Variants in ADAP2 observed in about 807,000 individuals in gnomAD.
ADAP2 encodes ArfGAP with dual PH domains 2, also known as arf-GAP with dual PH domain-containing protein 2.
Under a neutral mutation model 54.9 loss-of-function variants are expected in ADAP2, and 42 were observed. That is an observed-to-expected ratio of 0.77 (90% confidence interval 0.60 to 0.99). The LOEUF (loss-of-function observed/expected upper bound fraction) is 0.99, where lower values mean the gene tolerates loss of function less well. Among genes scored for constraint, ADAP2 ranks in the 50% least tolerant of loss-of-function variants. The probability of loss-of-function intolerance (pLI) is 0.00; values close to 1 mark genes in which losing one functional copy is unlikely to be tolerated. For missense variants in ADAP2, 429 were observed against 480.4 expected (o/e 0.89, Z 1.00); for synonymous variants, 177 against 180.1 (o/e 0.98, Z 0.14).
At chr17:30,946,191 G>A (rs566416429) in intron 6 of ADAP2, among the ~76,000 whole-genome samples, 4 of 151,854 alleles carry the variant, frequency 2.6e-5, no homozygotes, top group Admixed American at 6.6e-5. Flanking sequence ...GCATTGTAAC[G>A]GGATCCCAGG....
At chr17:30,950,789 C>A (rs1567725450) in intron 7 of ADAP2, among the ~76,000 whole-genome samples, 1 of 152,132 alleles carries the variant, frequency 6.6e-6, no homozygotes, top group Non-Finnish European at 1.5e-5. Flanking sequence ...GAGTTTGCAC[C>A]CAGAACTGGT....
At chr17:30,951,924 G>A (rs972631574) in intron 7 of ADAP2, among the ~76,000 whole-genome samples, 3 of 152,104 alleles carry the variant, frequency 2.0e-5, no homozygotes, top group African/African-American at 7.2e-5. Context: ...CAAAGTGCTG[G>A]GATTACAGGC....
chr17:30,933,792 C>A (rs1911674667), intron 4 of ADAP2, among the ~76,000 whole-genome samples: 1 of 152,224 alleles, frequency 6.6e-6, no homozygotes, highest in Non-Finnish European at 1.5e-5. Flanking sequence ...GCCACTGCGC[C>A]CTGCCTTACT....
intron 7 of ADAP2, among the ~76,000 whole-genome samples, chr17:30,949,748 C>CAAAAAA (rs34131343): frequency 4.8e-5 from 3 of 61,930 alleles, no homozygotes; most frequent in African/African-American, 9.5e-5. Context: ...GACTCCGTCT[C>CAAAAAA]AAAAAAAAAA....
intron 6 of ADAP2, among the ~76,000 whole-genome samples, chr17:30,947,041 G>C (rs1912730330): frequency 6.6e-6 from 1 of 152,162 alleles, no homozygotes; most frequent in South Asian, 2.1e-4. Flanking sequence ...ACCTGGGTCT[G>C]GCCATTCTTC....
Position 30,926,935 on chromosome 17 carries a change from T to C in ADAP2, c.317+17T>C, listed in dbSNP as rs752300376. The C allele has an allele frequency of 6.3e-7, 1 of 1,593,702 alleles. No homozygotes were observed. Among genetic ancestry groups the C allele is most frequent in the Non-Finnish European group, 8.6e-7 (1 of 1,161,618 alleles). ...CGACTGCCTGTGAGTGGGTGATTCC[T>C]TAGGGACTGGGTGAGGGGTCTGTCC... On this transcript the variant is annotated intron_variant, in intron 3 of 10. Transcript: ENST00000330889.
intron 6 of ADAP2, among the ~76,000 whole-genome samples, chr17:30,948,983 T>C (rs946374729): frequency 2.0e-5 from 3 of 152,204 alleles, no homozygotes; most frequent in Non-Finnish European, 4.4e-5. Flanking sequence ...TCAGGTGATT[T>C]TGCACGCATT....
At chr17:30,942,160 T>C (rs1912319012) in intron 5 of ADAP2, among the ~76,000 whole-genome samples, 1 of 152,172 alleles carries the variant, frequency 6.6e-6, no homozygotes, top group East Asian at 1.9e-4. Context: ...TGCCTCGGCC[T>C]CCCAAAGTGC....
chr17:30,955,801 A>G (rs1905027792), intron 9 of ADAP2, among the ~76,000 whole-genome samples: 1 of 151,700 alleles, frequency 6.6e-6, no homozygotes, highest in African/African-American at 2.4e-5. Flanking sequence ...AGGTGGGAGG[A>G]TTGCCTGAGC....
chr17:30,953,288 C>CTCG lies in ADAP2; in HGVS notation c.744_746dup (p.Val249dup). On this transcript the variant is annotated inframe_insertion and splice_region_variant, in exon 8 of 11. Coordinates refer to ENST00000330889, the MANE Select transcript of ADAP2 (RefSeq NM_018404.3). ...GTCAGTGTCTGTCTCTCTTCCCCAG[C>CTCG]TCGTGCCATTCCTCACCAGGAACTA... The CTCG allele has an allele frequency of 6.2e-7, 1 of 1,614,108 alleles. No homozygotes were observed. Among genetic ancestry groups the CTCG allele is most frequent in the Non-Finnish European group, 8.5e-7 (1 of 1,180,018 alleles).
At position 30,956,784 on chromosome 17, in the gene ADAP2, C is replaced by T. The variant is rs73989925; in HGVS notation, c.1111+315C>T. Reference sequence around the variant, plus strand: ...CTAAGCAGCTTCTCTTTCCCTCCACCGTGCTCTATGCTGATCCTTTTTCTC... The same window carrying T: ...CTAAGCAGCTTCTCTTTCCCTCCACTGTGCTCTATGCTGATCCTTTTTCTC... On this transcript the variant is annotated intron_variant, in intron 10 of 10. Coordinates refer to ENST00000330889, the MANE Select transcript of ADAP2 (RefSeq NM_018404.3). 6.1e-3 allele frequency: 2,364 copies of T among 389,786 alleles called. 16 individuals are homozygous for T. The highest frequency in any genetic ancestry group is 0.013 in the African/African-American group (626 of 49,144). 24.1% of individuals were successfully genotyped at this position (389,786 alleles called of 1,614,324 possible).
intron 10 of ADAP2, 134 bp from the exon 11 acceptor site, chr17:30,957,701 G>A (rs1905173009): frequency 1.2e-6 from 1 of 805,282 alleles, no homozygotes; most frequent in African/African-American, 1.7e-5. Flanking sequence ...AAAGTGCTGG[G>A]ATTACAGGCA....
At chr17:30,940,493 C>T (rs1219197134) in intron 5 of ADAP2, among the ~76,000 whole-genome samples, 3 of 151,806 alleles carry the variant, frequency 2.0e-5, no homozygotes, top group South Asian at 4.2e-4. Context: ...TTAGTAGAGA[C>T]GGGGTTTCAC....
At chr17:30,950,663 T>C (rs1229737028) in intron 7 of ADAP2, among the ~76,000 whole-genome samples, 1 of 152,154 alleles carries the variant, frequency 6.6e-6, no homozygotes, top group Non-Finnish European at 1.5e-5. Context: ...CCAAGGTTTG[T>C]AGGGAGCCAG....
chr17:30,950,259 C>G (rs1240656307), intron 7 of ADAP2, among the ~76,000 whole-genome samples: 9 of 152,154 alleles, frequency 5.9e-5, no homozygotes, highest in African/African-American at 2.2e-4. Context: ...TCATGGGGAG[C>G]CGAGAACTTC....
intron 6 of ADAP2, among the ~76,000 whole-genome samples, chr17:30,948,934 C>A (rs1255667863): frequency 6.6e-6 from 1 of 152,196 alleles, no homozygotes; most frequent in Non-Finnish European, 1.5e-5. Context: ...GGCCCCATTC[C>A]AAACCTACTG....
intron 1 of ADAP2, 113 bp from the exon 2 acceptor site, chr17:30,922,827 A>G (rs1475316480): frequency 6.2e-5 from 77 of 1,235,248 alleles, no homozygotes; most frequent in Non-Finnish European, 7.9e-5. Flanking sequence ...CTGGCCGCTT[A>G]GTTCGCCTTA....
chr17:30,922,979 G>A lies in ADAP2; in HGVS notation c.134G>A (p.Cys45Tyr). 4 of 1,614,020 alleles carry A rather than the reference G, an allele frequency of 2.5e-6. No individual in the cohort carries two copies. Among genetic ancestry groups the A allele is most frequent in the African/African-American group, 1.3e-5 (1 of 75,040 alleles). The change falls in exon 2 of 11, where the codon TGT becomes TAT. Residue 45 changes from cysteine (C) to tyrosine (Y), a missense_variant. Cys to Tyr is a radical substitution (Grantham distance 194, BLOSUM62 -2). Coordinates refer to ENST00000330889, the MANE Select transcript of ADAP2 (RefSeq NM_018404.3). ...WASYKLGIFI[C>Y]LNCCGVHRNF... is the part of the protein sequence containing the mutation. Reference sequence around the variant, plus strand: ...TCTTACAAGCTGGGGATCTTCATCTGTCTCAACTGCTGCGGCGTCCACCGT... The same window carrying A: ...TCTTACAAGCTGGGGATCTTCATCTATCTCAACTGCTGCGGCGTCCACCGT...
chr17:30,937,260 T>A (rs1395229811), intron 5 of ADAP2, among the ~76,000 whole-genome samples: 1 of 150,932 alleles, frequency 6.6e-6, no homozygotes, highest in Non-Finnish European at 1.5e-5. Context: ...TTCACTCTAT[T>A]GCTCAGGTTG....
Sources: gnomAD v4.1 joint callset for allele counts (sites outside exome capture counted in the v4.1 genomes callset) on GRCh38, gnomAD v4.1.1 for gene constraint, MANE v1.5 for transcripts, NCBI Gene and HGNC (gene_info 2026-07-23, HGNC 2026-07-21) for gene names.